The following HNRNPUL1 variants were observed in gnomAD, a reference collection of about 807,000 sequenced individuals.
The protein encoded by HNRNPUL1 is heterogeneous nuclear ribonucleoprotein U like 1.
HNRNPUL1 carries 14 observed loss-of-function variants against 108.5 expected under a neutral mutation model. The ratio of observed to expected loss-of-function variants is 0.13; its 90% CI spans 0.09 to 0.20. The LOEUF is 0.20. HNRNPUL1 is among the 10% of genes least tolerant of loss of function. The pLI, the probability that HNRNPUL1 is intolerant of heterozygous loss-of-function variation, is 1.00. For synonymous variants in HNRNPUL1, 422 were observed against 445.2 expected (o/e 0.95, Z 0.66); for missense variants, 804 against 1,168.3 (o/e 0.69, Z 4.55).
At chr19:41,288,405 C>T (rs1049081148) in intron 7 of HNRNPUL1, among the ~76,000 whole-genome samples, 3 of 151,922 alleles carry the variant, frequency 2.0e-5, no homozygotes, top group Non-Finnish European at 2.9e-5. Flanking sequence ...CCAGCATGCC[C>T]GGCTAATTTT....
intron 7 of HNRNPUL1, among the ~76,000 whole-genome samples, chr19:41,282,885 G>T (rs1486635458): frequency 2.7e-5 from 4 of 150,876 alleles, no homozygotes; most frequent in African/African-American, 9.7e-5. Context: ...TAGTAGAGAC[G>T]GGGTTTCACC....
At chr19:41,295,915 A>G (rs1049766264) in intron 10 of HNRNPUL1, among the ~76,000 whole-genome samples, 1 of 152,236 alleles carries the variant, frequency 6.6e-6, no homozygotes, top group African/African-American at 2.4e-5. Context: ...CCCCCAGCTC[A>G]TATTGTGTAC....
At chr19:41,269,231 C>T (rs1487676080) in intron 2 of HNRNPUL1, among the ~76,000 whole-genome samples, 1 of 151,896 alleles carries the variant, frequency 6.6e-6, no homozygotes, top group Non-Finnish European at 1.5e-5. Context: ...TTTGGGAGGC[C>T]AAGGTAGTAG....
chr19:41,264,189 T>C (rs1237569732), upstream of HNRNPUL1: 10 of 283,602 alleles, frequency 3.5e-5, no homozygotes, highest in African/African-American at 6.5e-5. Context: ...CGGCCTCGGC[T>C]TCGACGTAGG....
intron 14 of HNRNPUL1, 78 bp downstream of exon 14, chr19:41,305,945 T>A: frequency 1.1e-6 from 1 of 942,638 alleles, no homozygotes; most frequent in Admixed American, 2.7e-5. Context: ...CAGACTTAAG[T>A]CCCTGCTTAT....
intron 7 of HNRNPUL1, among the ~76,000 whole-genome samples, chr19:41,291,501 T>C (rs2036574289): frequency 6.6e-6 from 1 of 152,142 alleles, no homozygotes; most frequent in African/African-American, 2.4e-5. Context: ...CTCTTTCTGT[T>C]ACCCAGGCTG....
At chr19:41,301,072 T>C (rs1255038525) in intron 10 of HNRNPUL1, among the ~76,000 whole-genome samples, 1 of 152,214 alleles carries the variant, frequency 6.6e-6, no homozygotes, top group Non-Finnish European at 1.5e-5. Flanking sequence ...TACAATTCTT[T>C]TTGTGTAAAA....
chr19:41,264,988 G>A (rs1191592903), intron 1 of HNRNPUL1, 190 bp downstream of exon 1: 4 of 1,395,602 alleles, frequency 2.9e-6, no homozygotes, highest in Non-Finnish European at 2.8e-6. Flanking sequence ...GACACTCAGT[G>A]CAGGGGGGAC....
chr19:41,300,783 A>G (rs1412862460), intron 10 of HNRNPUL1, among the ~76,000 whole-genome samples: 1 of 152,242 alleles, frequency 6.6e-6, no homozygotes, highest in Non-Finnish European at 1.5e-5. Flanking sequence ...GGAAGGAAAC[A>G]TTAGGAGCAA....
At chr19:41,276,126 ACAT>A in intron 4 of HNRNPUL1, 30 bp from the exon 5 acceptor site, 5 of 1,613,518 alleles carry the variant, frequency 3.1e-6, no homozygotes, top group Non-Finnish European at 4.2e-6. Context: ...CAAAATAAAA[ACAT>A]CAGCCAACTG....
Position 41,269,022 on chromosome 19 carries a change from T to C in HNRNPUL1, c.418+677T>C, listed in dbSNP as rs2035040658. Among the ~76,000 whole-genome samples, 3 of 152,234 alleles carry C rather than the reference T, an allele frequency of 2.0e-5. No homozygotes were observed. The South Asian group carries it at 6.2e-4, about 32-fold the overall frequency. On this transcript the variant is annotated intron_variant, in intron 2 of 14. Transcript: ENST00000392006. The stretch of plus-strand genomic sequence containing the variant: ...TGAAGATTATTGTTTCAGGGGATAT[T>C]ATTAGGGGATTCTCAGAAAAGGGTT...
intron 7 of HNRNPUL1, among the ~76,000 whole-genome samples, chr19:41,288,287 C>T (rs950224030): frequency 6.6e-6 from 1 of 150,932 alleles, no homozygotes; most frequent in Non-Finnish European, 1.5e-5. Flanking sequence ...CTCTTGTTGC[C>T]CAGGCTGGAG....
intron 2 of HNRNPUL1, among the ~76,000 whole-genome samples, chr19:41,269,776 T>C (rs1008313917): frequency 6.6e-6 from 1 of 152,166 alleles, no homozygotes; most frequent in Admixed American, 6.5e-5. Context: ...CACTGCAGCC[T>C]GGGCGACAGG....
chr19:41,305,458 G>C (rs1369802373), intron 13 of HNRNPUL1, among the ~76,000 whole-genome samples: 1 of 152,214 alleles, frequency 6.6e-6, no homozygotes, highest in African/African-American at 2.4e-5. Flanking sequence ...GCTGGGGTTA[G>C]AGTCCACATC....
Position 41,264,703 on chromosome 19 carries a change from AG to A in HNRNPUL1, c.206del (p.Gly69AlafsTer73). 7 of 1,540,988 alleles carry A rather than the reference AG, an allele frequency of 4.5e-6. No homozygotes were observed. Among genetic ancestry groups the A allele is most frequent in the South Asian group, 1.2e-5 (1 of 86,150 alleles). On this transcript the variant is annotated frameshift_variant, in exon 1 of 15. Transcript: ENST00000392006. LOFTEE classifies it high-confidence loss of function. Reference protein sequence around the residue: ...PGHINEEVETEGGSELEGTAQ... With the variant: ...PGHINEEVETXGGSELEGTAQ... ...CACATCAACGAGGAGGTCGAGACCG[AG>A]GGGGGCTCCGAGCTGGAGGGGACCG...
At chr19:41,299,613 C>G (rs1568456741) in intron 10 of HNRNPUL1, among the ~76,000 whole-genome samples, 1 of 152,164 alleles carries the variant, frequency 6.6e-6, no homozygotes, top group Non-Finnish European at 1.5e-5. Context: ...TCTGCAAATG[C>G]TCTCCAGAGC....
rs535793960 is a variant in HNRNPUL1, at chr19:41,303,187, C to G, written c.1972+238C>G. Among the ~76,000 whole-genome samples the G allele has an allele frequency of 1.4e-4, 21 of 152,250 alleles. 1 individual carries two copies. The highest frequency in any genetic ancestry group is 2.6e-4 in the Non-Finnish European group (18 of 68,022). On this transcript the variant is annotated intron_variant, in intron 12 of 14. Transcript: ENST00000392006. ...GCATATCACAGTGCACATTCTGTCA[C>G]ATTGCTGTCATTTTTGTGAACCTTC... is the stretch of plus-strand genomic sequence containing the variant.
intron 7 of HNRNPUL1, among the ~76,000 whole-genome samples, chr19:41,283,792 C>T (rs1055923503): frequency 3.3e-5 from 5 of 152,188 alleles, no homozygotes; most frequent in Admixed American, 2.0e-4. Context: ...GGGGTTTCAC[C>T]GTGTTGGCCA....
At position 41,307,273 on chromosome 19, in the gene HNRNPUL1, G is replaced by A. The variant is rs1168357263; in HGVS notation, c.*708G>A. ...TCATCTTTAACCCAACTTTTTATAC[G>A]ATGCCCCAGTTCCCCATAACTTTGC... is the stretch of plus-strand genomic sequence containing the variant. On this transcript the variant is annotated 3_prime_UTR_variant, in exon 15 of 15. Coordinates refer to ENST00000392006, the MANE Select transcript of HNRNPUL1 (RefSeq NM_007040.6). 6.6e-6 allele frequency: 1 copy of A among 152,520 alleles called. No homozygotes were observed. Among genetic ancestry groups the A allele is most frequent in the Non-Finnish European group, 1.5e-5 (1 of 68,028 alleles). The allele number at this position is 152,520 out of a possible 1,614,324, so 9.4% of individuals were successfully genotyped here.
Sources: allele counts gnomAD v4.1 joint callset (sites outside exome capture counted in the v4.1 genomes callset), GRCh38; gene constraint gnomAD v4.1.1; transcripts MANE v1.5; gene names NCBI Gene and HGNC (gene_info 2026-07-23, HGNC 2026-07-21).